Variants in UNC13A observed in about 807,000 individuals in gnomAD.
The protein encoded by UNC13A is unc-13 homolog A.
A neutral mutation model predicts 219.7 loss-of-function variants in UNC13A; 61 were observed. The observed-to-expected ratio is 0.28, with a 90% CI of 0.23 to 0.34. UNC13A has a LOEUF of 0.34. Among genes scored for constraint, UNC13A ranks in the 10% least tolerant of loss-of-function variants. The pLI is 1.00. For synonymous variants in UNC13A, 920 were observed against 884.6 expected (o/e 1.04, Z -0.71); for missense variants, 1,476 against 2,270.3 (o/e 0.65, Z 7.11).
rs2079589877 is a variant in UNC13A at position 17,663,582 on chromosome 19, G to A, written c.524-15C>T. ...ATTCCAGTTGCCTACAAAGAGAAGGGGCAGAAATAATAAAAGGGAGCAGAC... is the reference window on the plus strand; with the variant it reads ...ATTCCAGTTGCCTACAAAGAGAAGGAGCAGAAATAATAAAAGGGAGCAGAC... On this transcript the variant is annotated splice_polypyrimidine_tract_variant and intron_variant, in intron 7 of 43. Transcript: ENST00000519716. 1 of 1,606,716 alleles carries A rather than the reference G, an allele frequency of 6.2e-7. No homozygotes were observed. The highest frequency in any genetic ancestry group is 8.5e-7 in the Non-Finnish European group (1 of 1,176,794).
Position 17,655,383 on chromosome 19 carries a change from C to T in UNC13A, c.1284-1G>A. On this transcript the variant is annotated splice_acceptor_variant, in intron 10 of 43. Transcript: ENST00000519716. LOFTEE classifies it high-confidence loss of function. ...TTCCTCATCCTCTCTCGGCCTGAAA[C>T]TGAGGCAGGGAACGCTATGAGGCTC... The T allele has an allele frequency of 6.4e-7, 1 of 1,573,980 alleles. No homozygotes were observed. Among genetic ancestry groups the T allele is most frequent in the Non-Finnish European group, 8.6e-7 (1 of 1,160,086 alleles).
At chr19:17,645,135 A>T (rs1451659852) in intron 19 of UNC13A, among the ~76,000 whole-genome samples, 1 of 150,782 alleles carries the variant, frequency 6.6e-6, no homozygotes, top group Non-Finnish European at 1.5e-5. Context: ...CAGCCTCCCA[A>T]GTAGCTGGGA....
At chr19:17,633,537 T>C (rs1348706649) in intron 26 of UNC13A, among the ~76,000 whole-genome samples, 1 of 152,014 alleles carries the variant, frequency 6.6e-6, no homozygotes, top group African/African-American at 2.4e-5. Flanking sequence ...TACCCATCTA[T>C]CTATTCATCC....
chr19:17,642,217 T>C (rs1472847283), intron 20 of UNC13A, among the ~76,000 whole-genome samples: 2 of 152,156 alleles, frequency 1.3e-5, no homozygotes, highest in African/African-American at 4.8e-5. Context: ...GCAATCTATC[T>C]ATCCACTCAT....
At position 17,605,830 on chromosome 19, in the gene UNC13A, T is replaced by G; in HGVS notation, c.*224A>C. 4.3e-6 allele frequency: 2 copies of G among 469,158 alleles called. No individual in the cohort carries two copies. The highest frequency in any genetic ancestry group is 3.6e-6 in the Non-Finnish European group (1 of 275,642). The allele number at this position is 469,158 out of a possible 1,614,324, so 29.1% of individuals were successfully genotyped here. ...GGCCTCAAGTTGGGGATGTGGCTCC[T>G]TCCTTCGTCGCGCCCTTGGGCGTGG... On this transcript the variant is annotated 3_prime_UTR_variant, in exon 44 of 44. Coordinates refer to ENST00000519716, the MANE Select transcript of UNC13A (RefSeq NM_001080421.3).
chr19:17,671,715 A>G (rs2079791922), intron 4 of UNC13A, among the ~76,000 whole-genome samples: 1 of 152,134 alleles, frequency 6.6e-6, no homozygotes, highest in South Asian at 2.1e-4. Context: ...TCGAGGCTGC[A>G]GTGGGCCATG....
chr19:17,688,152 C>T (rs2080151135), intron 1 of UNC13A, 26 bp downstream of exon 1: 4 of 1,527,130 alleles, frequency 2.6e-6, no homozygotes, highest in Non-Finnish European at 3.5e-6. Flanking sequence ...CACACGGGTC[C>T]CCCGACCCCC....
chr19:17,670,556 G>A (rs1653965139), intron 4 of UNC13A, among the ~76,000 whole-genome samples: 1 of 151,736 alleles, frequency 6.6e-6, no homozygotes, highest in Non-Finnish European at 1.5e-5. Context: ...TTTTAGACTC[G>A]CTTACCTAGA....
At chr19:17,653,329 A>AATATAT (rs58439414) in intron 11 of UNC13A, among the ~76,000 whole-genome samples, 12,099 of 148,416 alleles carry the variant, frequency 0.082, 498 homozygotes, top group Middle Eastern at 0.11. Flanking sequence ...TCCTGAAATA[A>AATATAT]ATATATATAT....
At chr19:17,657,900 A>T (rs1328680651) in intron 9 of UNC13A, among the ~76,000 whole-genome samples, 162 bp downstream of exon 9, 1 of 151,920 alleles carries the variant, frequency 6.6e-6, no homozygotes, top group Admixed American at 6.6e-5. Context: ...AAAAAGAAAA[A>T]AATGGTTAAT....
chr19:17,641,890 T>C (rs2076974299), intron 20 of UNC13A, among the ~76,000 whole-genome samples: 1 of 151,988 alleles, frequency 6.6e-6, no homozygotes, highest in African/African-American at 2.4e-5. Context: ...ACCATCCATT[T>C]TTCGTCTGTC....
intron 41 of UNC13A, chr19:17,616,326 A>AAGGCAGAAGGAAAAGGCAGAAG: frequency 1.5e-6 from 1 of 658,358 alleles, no homozygotes; most frequent in Non-Finnish European, 2.8e-6. Context: ...CAGAAGGACG[A>AAGGCAGAAGGAAAAGGCAGAAG]TCCTTTTACT....
chr19:17,617,579 A>G lies in UNC13A; in HGVS notation c.4558+123T>C, dbSNP rs1282115705. On this transcript the variant is annotated intron_variant, in intron 41 of 43. Transcript: ENST00000519716. ...GCTCATTGGTCCCTGGACTTGGTGC[A>G]GAGATGTCAATTCCGCCCCATCCAT... 7.9e-6 allele frequency: 11 copies of G among 1,396,954 alleles called. No individual in the cohort carries two copies. In the East Asian group the frequency reaches 1.8e-4, roughly 23 times the overall value. 86.5% of individuals were successfully genotyped at this position (1,396,954 alleles called of 1,614,324 possible). A position where few individuals can be genotyped will look rare whatever the true frequency, so the allele number is the denominator to read the frequency against.
At chr19:17,632,218 G>C (rs2145009248) in intron 28 of UNC13A, among the ~76,000 whole-genome samples, 1 of 152,212 alleles carries the variant, frequency 6.6e-6, no homozygotes, top group Middle Eastern at 3.4e-3. Flanking sequence ...GCCAATTTTT[G>C]TATTTTTGTA....
Position 17,688,224 on chromosome 19 carries a change from G to A in UNC13A, c.-25C>T, listed in dbSNP as rs1568279895. The A allele has an allele frequency of 6.7e-7, 1 of 1,493,120 alleles. No homozygotes were observed. The highest frequency in any genetic ancestry group is 8.9e-7 in the Non-Finnish European group (1 of 1,122,060). 92.5% of individuals were successfully genotyped at this position (1,493,120 alleles called of 1,614,324 possible). A position where few individuals can be genotyped will look rare whatever the true frequency, so the allele number is the denominator to read the frequency against. ...TGTCTCCGAGCTCGCAGGTGGGCCG[G>A]AGGCGGCCGGGCCGGCTCTGTCGGG... On this transcript the variant is annotated 5_prime_UTR_variant, in exon 1 of 44. Transcript: ENST00000519716.
At chr19:17,683,917 T>C (rs951010032) in intron 1 of UNC13A, among the ~76,000 whole-genome samples, 1 of 151,664 alleles carries the variant, frequency 6.6e-6, no homozygotes, top group African/African-American at 2.4e-5. Flanking sequence ...GGCAAAACCC[T>C]GCTTCTGCAA....
rs146739681 is a variant in UNC13A at position 17,656,395 on chromosome 19, G to C, written c.771C>G (p.Pro257=). 16,043 of 1,520,252 alleles carry C rather than the reference G, an allele frequency of 0.011. 97 individuals carry two copies. Among genetic ancestry groups the C allele is most frequent in the Middle Eastern group, 0.016 (95 of 5,836 alleles). The allele number at this position is 1,520,252 out of a possible 1,614,324, so 94.2% of individuals were successfully genotyped here. A position where few individuals can be genotyped will look rare whatever the true frequency, so the allele number is the denominator to read the frequency against. Residue 257 remains proline (P), a synonymous_variant, in exon 10 of 44, where the codon CCC becomes CCG. Coordinates refer to ENST00000519716, the MANE Select transcript of UNC13A (RefSeq NM_001080421.3). The part of the protein sequence containing the change: ...EEFSEPQALS[P]TGSSRYASSG... ...AAGAGGCATAGCGGCTGCTACCCGT[G>C]GGGCTGTGGGGATGGAACAGGGTTC... is the stretch of plus-strand genomic sequence containing the variant.
In UNC13A at chr19:17,606,330, G is replaced by C; in HGVS notation, c.4836C>G (p.Pro1612=). ...FQFTLSADAG[P]ECYELQVCVK... is the part of the protein sequence containing the mutation. ...CGCACACCTGCAGCTCATAGCACTC[G>C]GGACCCGCGTCGGCGCTCAGCGTGC... The change falls in exon 44 of 44, where the codon CCC becomes CCG. Residue 1612 remains proline (P), a synonymous_variant. Coordinates refer to ENST00000519716, the MANE Select transcript of UNC13A (RefSeq NM_001080421.3). The C allele has an allele frequency of 6.5e-7, 1 of 1,547,390 alleles. No individual in the cohort carries two copies. The highest frequency in any genetic ancestry group is 8.7e-7 in the Non-Finnish European group (1 of 1,147,482).
intron 10 of UNC13A, 41 bp downstream of exon 10, chr19:17,655,842 C>T: frequency 6.8e-7 from 1 of 1,479,420 alleles, no homozygotes. Context: ...ACCCTGTGAC[C>T]TTGTGGCAGC....
Sources: allele counts gnomAD v4.1 joint callset (sites outside exome capture counted in the v4.1 genomes callset), GRCh38; gene constraint gnomAD v4.1.1; transcripts MANE v1.5; gene names NCBI Gene and HGNC (gene_info 2026-07-23, HGNC 2026-07-21).